GALNT13: variants seen among roughly 807,000 people sequenced by gnomAD.
GALNT13 encodes UDP-GalNAc:polypeptide N-acetylgalactosaminyltransferase 13.
In GALNT13, 28 loss-of-function variants were observed where a neutral mutation model predicts 64.2. That is an observed-to-expected ratio of 0.44 (90% CI 0.32 to 0.60). GALNT13 has a LOEUF of 0.60. Ranked by LOEUF, GALNT13 falls within the 20% of genes least tolerant of loss-of-function variation. The probability of loss-of-function intolerance (pLI) is 0.05; values close to 1 mark genes in which losing one functional copy is unlikely to be tolerated. For synonymous variants in GALNT13, 214 were observed against 224.6 expected, an observed-to-expected ratio of 0.95 and a Z score of 0.42; for missense variants, 577 against 669.8, an observed-to-expected ratio of 0.86 and a Z score of 1.53.
chr2:154,188,391 A>G (rs902247828), intron 4 of GALNT13, among the ~76,000 whole-genome samples: 2 of 152,152 alleles, frequency 1.3e-5, no homozygotes, highest in Non-Finnish European at 2.9e-5. Flanking sequence ...ATTCATTGTT[A>G]CAAGATTTTA....
intron 3 of GALNT13, among the ~76,000 whole-genome samples, chr2:154,004,229 C>T (rs886654817): frequency 1.4e-4 from 21 of 150,414 alleles, no homozygotes; most frequent in African/African-American, 1.2e-4. Context: ...TTTTTTGAGA[C>T]GGAGTCTTGC....
chr2:153,272,278 A>G, the GALNT13 span, among the ~76,000 whole-genome samples: 2 of 152,222 alleles, frequency 1.3e-5, no homozygotes, highest in African/African-American at 4.8e-5. Context: ...TAATTAAACT[A>G]AAATGCTTCT....
chr2:154,324,420 C>T (rs1400471089), intron 9 of GALNT13, among the ~76,000 whole-genome samples: 1 of 151,908 alleles, frequency 6.6e-6, no homozygotes, highest in African/African-American at 2.4e-5. Flanking sequence ...AGCAATACAA[C>T]ATGTGATGAT....
intron 1 of GALNT13, among the ~76,000 whole-genome samples, chr2:153,888,973 T>A (rs925945537): frequency 1.3e-5 from 2 of 151,994 alleles, no homozygotes; most frequent in Non-Finnish European, 2.9e-5. Context: ...ATAAAATATT[T>A]AGCAATATGA....
At chr2:154,173,097 C>T (rs1167703720) in intron 4 of GALNT13, among the ~76,000 whole-genome samples, 3 of 151,918 alleles carry the variant, frequency 2.0e-5, no homozygotes, top group Non-Finnish European at 2.9e-5. Context: ...ACTGTAGTAA[C>T]CAAATCAGCA....
chr2:153,968,496 C>T (rs1281607868), intron 3 of GALNT13, among the ~76,000 whole-genome samples: 4 of 152,168 alleles, frequency 2.6e-5, no homozygotes, highest in Non-Finnish European at 4.4e-5. Context: ...TTCCTATCCC[C>T]TTCAATGCCT....
chr2:153,686,144 T>C, the GALNT13 span, among the ~76,000 whole-genome samples: 1 of 152,052 alleles, frequency 6.6e-6, no homozygotes, highest in Non-Finnish European at 1.5e-5. Flanking sequence ...TTTGGTTCCC[T>C]ATGAATTTTA....
chr2:153,827,290 C>T, the GALNT13 span, among the ~76,000 whole-genome samples: 1 of 152,064 alleles, frequency 6.6e-6, no homozygotes, highest in Admixed American at 6.5e-5. Context: ...GGGTTCCTCC[C>T]ATGACACATG....
the GALNT13 span, among the ~76,000 whole-genome samples, chr2:153,241,889 C>G: frequency 1.3e-5 from 2 of 151,948 alleles, no homozygotes; most frequent in Non-Finnish European, 2.9e-5. Context: ...GCCTGCTTTT[C>G]AAGCCAGCAT....
intron 9 of GALNT13, among the ~76,000 whole-genome samples, chr2:154,371,181 T>A (rs1697666008): frequency 6.8e-6 from 1 of 147,666 alleles, no homozygotes. Flanking sequence ...GAAGGCAGAA[T>A]AGGAAGTGTG....
At chr2:153,533,469 C>G in the GALNT13 span, among the ~76,000 whole-genome samples, 1 of 151,942 alleles carries the variant, frequency 6.6e-6, no homozygotes, top group Non-Finnish European at 1.5e-5. Context: ...CTAGGCTGGT[C>G]TCAAACTCCT....
At chr2:154,130,316 A>G (rs1460940093) in intron 3 of GALNT13, among the ~76,000 whole-genome samples, 1 of 152,140 alleles carries the variant, frequency 6.6e-6, no homozygotes, top group Non-Finnish European at 1.5e-5. Context: ...GCTGGTATGG[A>G]CATAGAGGTC....
the GALNT13 span, among the ~76,000 whole-genome samples, chr2:153,403,302 C>T: frequency 7.2e-5 from 11 of 151,772 alleles, no homozygotes; most frequent in Non-Finnish European, 1.3e-4. Context: ...TCTCCAGCTG[C>T]GTGCTGGGAG....
chr2:154,009,072 A>G (rs1328416230), intron 3 of GALNT13, among the ~76,000 whole-genome samples: 2 of 152,134 alleles, frequency 1.3e-5, no homozygotes, highest in East Asian at 1.9e-4. Context: ...TGTATATAGT[A>G]TAGTGTAAGG....
intron 1 of GALNT13, among the ~76,000 whole-genome samples, chr2:153,895,385 G>A (rs1687820712): frequency 6.6e-6 from 1 of 151,718 alleles, no homozygotes; most frequent in African/African-American, 2.4e-5. Flanking sequence ...TCTTTTTTTA[G>A]CTCAACAAAA....
intron 9 of GALNT13, among the ~76,000 whole-genome samples, chr2:154,377,477 TCTAA>T (rs1407153155): frequency 6.6e-6 from 1 of 152,120 alleles, no homozygotes; most frequent in African/African-American, 2.4e-5. Context: ...CACTTGCTCC[TCTAA>T]CTAAATCAAG....
the GALNT13 span, among the ~76,000 whole-genome samples, chr2:153,315,338 G>A: frequency 6.6e-6 from 1 of 152,172 alleles, no homozygotes; most frequent in East Asian, 1.9e-4. Flanking sequence ...TTCTCATTGT[G>A]TTCACACATG....
chr2:153,488,100 A>C, the GALNT13 span, among the ~76,000 whole-genome samples: 1 of 152,206 alleles, frequency 6.6e-6, no homozygotes, highest in Non-Finnish European at 1.5e-5. Context: ...TCTCATTTCT[A>C]GAAACTCATT....
intron 3 of GALNT13, among the ~76,000 whole-genome samples, chr2:154,132,084 G>A (rs952374854): frequency 3.3e-5 from 5 of 152,110 alleles, no homozygotes; most frequent in African/African-American, 1.2e-4. Flanking sequence ...CACCCAGATT[G>A]AGGGTGGGTC....
Sources: gnomAD v4.1 joint callset for allele counts (sites outside exome capture counted in the v4.1 genomes callset) on GRCh38, gnomAD v4.1.1 for gene constraint, MANE v1.5 for transcripts, NCBI Gene and HGNC (gene_info 2026-07-23, HGNC 2026-07-21) for gene names.